The following SRGAP2 variants were observed in gnomAD, a reference collection of about 807,000 sequenced individuals.
The protein encoded by SRGAP2 is SLIT-ROBO Rho GTPase-activating protein 2.
In SRGAP2, 15 loss-of-function variants were observed where a neutral mutation model predicts 57.2. The observed-to-expected ratio is 0.26, with a 90% CI of 0.18 to 0.40. SRGAP2 has a LOEUF of 0.40. Among genes scored for constraint, SRGAP2 ranks in the 10% least tolerant of loss-of-function variants. SRGAP2 has a pLI of 1.00. For missense variants in SRGAP2, 520 were observed against 669.6 expected, an observed-to-expected ratio of 0.78 and a Z score of 2.47; for synonymous variants, 249 against 248.0, an observed-to-expected ratio of 1.00 and a Z score of -0.04.
At chr1:206,240,523 G>T (rs553552792) in intron 2 of SRGAP2, among the ~76,000 whole-genome samples, 2,109 of 152,222 alleles carry the variant, frequency 0.014, 37 homozygotes, top group African/African-American at 0.046. Context: ...ATTTGTTCAC[G>T]CCTAGGCCAT....
At chr1:206,388,774 C>G (rs1243852841) in intron 5 of SRGAP2, among the ~76,000 whole-genome samples, 2 of 148,336 alleles carry the variant, frequency 1.3e-5, no homozygotes, top group African/African-American at 5.0e-5. Context: ...CCTGGTCATT[C>G]TTAGCTGCCT....
intron 10 of SRGAP2, among the ~76,000 whole-genome samples, chr1:206,410,930 G>A (rs138504197): frequency 1.3e-5 from 2 of 152,280 alleles, no homozygotes; most frequent in African/African-American, 4.8e-5. Flanking sequence ...GTGCAATCTG[G>A]GCTCACTGCA....
intron 2 of SRGAP2, among the ~76,000 whole-genome samples, chr1:206,284,839 C>T (rs1300503782): frequency 6.6e-5 from 10 of 152,128 alleles, no homozygotes; most frequent in Admixed American, 6.6e-5. Flanking sequence ...GTAGAATGCT[C>T]ATACCATCTT....
intron 2 of SRGAP2, among the ~76,000 whole-genome samples, chr1:206,237,919 G>A (rs1668001987): frequency 1.1e-5 from 1 of 90,376 alleles, no homozygotes; most frequent in Admixed American, 1.3e-4. Context: ...TTTTATCTTA[G>A]CACCTGTTAT....
chr1:206,458,500 C>G (rs541810172), intron 21 of SRGAP2, 123 bp from the exon 22 acceptor site: 120 of 710,576 alleles, frequency 1.7e-4, no homozygotes, highest in Non-Finnish European at 2.4e-4. Flanking sequence ...GAGGAGAGAA[C>G]GAGTTCTGTG....
At chr1:206,416,944 A>G (rs1553362205) in intron 11 of SRGAP2, among the ~76,000 whole-genome samples, 1 of 152,202 alleles carries the variant, frequency 6.6e-6, no homozygotes, top group Non-Finnish European at 1.5e-5. Context: ...AAGTTTAGGA[A>G]AGTGTGCAAT....
rs781785493 is a variant in SRGAP2, at chr1:206,241,911, CGTGTGTGTGTGT to C, written c.67+35905_67+35916del. Among the ~76,000 whole-genome samples, 273 of 104,618 alleles carry C rather than the reference CGTGTGTGTGTGT, an allele frequency of 2.6e-3. 12 individuals are homozygous for C. The highest frequency in any genetic ancestry group is 7.7e-3 in the African/African-American group (175 of 22,638). 68.6% of individuals were successfully genotyped at this position (104,618 alleles called of 152,430 possible). A position where few individuals can be genotyped will look rare whatever the true frequency, so the allele number is the denominator to read the frequency against. On this transcript the variant is annotated intron_variant, in intron 2 of 22. Coordinates refer to ENST00000573034, the MANE Select transcript of SRGAP2 (RefSeq NM_015326.5). ...ATTTTTTAATGCTGGGAGGTGTTTG[CGTGTGTGTGTGT>C]GTGTGTGTGTGTGTGTGTGTGTGTG... is the stretch of plus-strand genomic sequence containing the variant.
chr1:206,421,168 G>C, intron 12 of SRGAP2, 82 bp from the exon 13 acceptor site: 1 of 712,738 alleles, frequency 1.4e-6, no homozygotes, highest in Non-Finnish European at 2.6e-6. Context: ...AAGAGTGATT[G>C]TTTATCTCAT....
chr1:206,420,321 C>T (rs1170283407), intron 12 of SRGAP2, among the ~76,000 whole-genome samples: 1 of 152,154 alleles, frequency 6.6e-6, no homozygotes, highest in Non-Finnish European at 1.5e-5. Flanking sequence ...CTGGAGGGAA[C>T]CAGGATAATG....
intron 2 of SRGAP2, among the ~76,000 whole-genome samples, chr1:206,244,273 CTT>C (rs1159749633): frequency 1.3e-5 from 1 of 77,590 alleles, no homozygotes. Context: ...TGTTTTAAAT[CTT>C]TTTTTTTTTT....
intron 3 of SRGAP2, among the ~76,000 whole-genome samples, chr1:206,334,690 T>C (rs1353030381): frequency 7.2e-5 from 11 of 152,188 alleles, no homozygotes; most frequent in Non-Finnish European, 1.0e-4. Flanking sequence ...TGGTTACTGC[T>C]TTGATAATAA....
At chr1:206,323,388 G>T (rs1486439870) in intron 3 of SRGAP2, among the ~76,000 whole-genome samples, 1 of 151,864 alleles carries the variant, frequency 6.6e-6, no homozygotes, top group Non-Finnish European at 1.5e-5. Flanking sequence ...CAGTGATGGG[G>T]ACATAGGCCA....
At chr1:206,222,834 A>G (rs1177101879) in intron 2 of SRGAP2, among the ~76,000 whole-genome samples, 2 of 151,526 alleles carry the variant, frequency 1.3e-5, no homozygotes, top group African/African-American at 4.9e-5. Flanking sequence ...CTGGCATAAT[A>G]TATGTTCTGC....
intron 5 of SRGAP2, among the ~76,000 whole-genome samples, chr1:206,386,921 G>A (rs868959463): frequency 1.3e-5 from 2 of 151,692 alleles, no homozygotes; most frequent in African/African-American, 2.4e-5. Flanking sequence ...TCAGGAGATC[G>A]AGACCATCCT....
At chr1:206,438,159 A>G in intron 16 of SRGAP2, 61 bp downstream of exon 16, 1 of 761,774 alleles carries the variant, frequency 1.3e-6, no homozygotes. Flanking sequence ...CAAGAGAGAA[A>G]AAGTTTCCAC....
At chr1:206,279,217 A>G in intron 2 of SRGAP2, among the ~76,000 whole-genome samples, 1 of 44,890 alleles carries the variant, frequency 2.2e-5, no homozygotes. Flanking sequence ...ATGAGATTCC[A>G]TGCGCCCCCA....
Position 206,461,264 on chromosome 1 carries a change from C to A in SRGAP2, c.3060C>A (p.Cys1020Ter), listed in dbSNP as rs376568668. 2.6e-6 allele frequency: 2 copies of A among 780,936 alleles called. No homozygotes were observed. The highest frequency in any genetic ancestry group is 2.4e-6 in the Non-Finnish European group (1 of 417,990). 48.4% of individuals were successfully genotyped at this position (780,936 alleles called of 1,614,324 possible). ...RSASTAGDIA[C>*]AFRPVKSVKM... ...CCAGTACTGCTGGGGACATCGCCTG[C>A]GCCTTCCGGCCTGTCAAGTCTGTCA... The change falls in exon 23 of 23, where the codon TGC becomes TGA. Residue 1020 changes from cysteine (C) to a stop codon, truncating the protein, a stop_gained. Transcript: ENST00000573034. LOFTEE classifies it high-confidence loss of function.
Position 206,458,810 on chromosome 1 carries a change from G to A in SRGAP2, c.2695G>A (p.Gly899Arg), listed in dbSNP as rs201642341. The A allele has an allele frequency of 6.1e-5, 48 of 780,722 alleles. No individual in the cohort carries two copies. The highest frequency in any genetic ancestry group is 9.4e-5 in the South Asian group (7 of 74,592). The allele number at this position is 780,722 out of a possible 1,614,324, so 48.4% of individuals were successfully genotyped here. Residue 899 changes from glycine (G) to arginine (R), a missense_variant, in exon 22 of 23, where the codon GGG becomes AGG. Transcript: ENST00000573034. Reference sequence around the variant, plus strand: ...AGATAAGTGTTCCATCAGTGGGCACGGGAGCCTCAACTCCATCAGCCGCCA... The same window carrying A: ...AGATAAGTGTTCCATCAGTGGGCACAGGAGCCTCAACTCCATCAGCCGCCA... ...GPDKCSISGH[G>R]SLNSISRHSS...
At position 206,454,988 on chromosome 1, in the gene SRGAP2, G is replaced by T. The variant is rs782531606; in HGVS notation, c.2471G>T (p.Gly824Val). The change falls in exon 21 of 23, where the codon GGT becomes GTT. Residue 824 changes from glycine to valine, a missense_variant. Gly to Val is a moderately radical substitution (Grantham distance 109). Coordinates refer to ENST00000573034, the MANE Select transcript of SRGAP2 (RefSeq NM_015326.5). This position sits in a 1 kb window ranked among gnomAD's most constrained non-coding sequence, Gnocchi z 4.3. Reference protein sequence around the residue: ...ARAGASCPSGGHVADIYLANI... With the variant: ...ARAGASCPSGVHVADIYLANI... ...GCGGGGGCCAGCTGTCCCAGTGGGG[G>T]TCATGTAGCCGATATTTATCTTGCA... 12 of 780,800 alleles carry T rather than the reference G, an allele frequency of 1.5e-5. No individual in the cohort carries two copies. In the Admixed American group the frequency reaches 2.0e-4, roughly 13 times the overall value. The allele number at this position is 780,800 out of a possible 1,614,324, so 48.4% of individuals were successfully genotyped here.
Sources: gnomAD v4.1 joint callset for allele counts (sites outside exome capture counted in the v4.1 genomes callset) on GRCh38, gnomAD v4.1.1 for gene constraint, Gnocchi (gnomAD v3.1) non-coding constraint, MANE v1.5 for transcripts, NCBI Gene and HGNC (gene_info 2026-07-23, HGNC 2026-07-21) for gene names.